Variants in TENM2 observed in about 807,000 individuals in gnomAD.
TENM2 encodes teneurin-2.
A neutral mutation model predicts 245.2 loss-of-function variants in TENM2; 52 were observed. The ratio of observed to expected loss-of-function variants is 0.21; its 90% CI spans 0.17 to 0.27. TENM2 has a LOEUF of 0.27. Among genes scored for constraint, TENM2 ranks in the 10% least tolerant of loss-of-function variants. The probability of loss-of-function intolerance (pLI) is 1.00; values close to 1 mark genes in which losing one functional copy is unlikely to be tolerated. For synonymous variants in TENM2, 1,363 were observed against 1,438.9 expected (o/e 0.95, Z 1.19); for missense variants, 3,046 against 3,666.8 (o/e 0.83, Z 4.37).
At position 167,329,436 on chromosome 5, in the gene TENM2, C is replaced by T. The variant is rs1040962001; in HGVS notation, c.226+44373C>T. Among the ~76,000 whole-genome samples, 13 of 149,754 alleles carry T rather than the reference C, an allele frequency of 8.7e-5. No homozygotes were observed. In the Admixed American group the frequency reaches 8.7e-4, roughly 10 times the overall value. ...GCGTGGTGGCAGGCACCTGTTGTTC[C>T]AGCTACCCGGGAGGCTGAGGCAGGA... On this transcript the variant is annotated intron_variant, in intron 1 of 28. Coordinates refer to ENST00000518659, the Ensembl canonical transcript of TENM2.
chr5:167,982,523 T>G (rs66943039), intron 4 of TENM2, among the ~76,000 whole-genome samples: 1 of 152,104 alleles, frequency 6.6e-6, no homozygotes. Flanking sequence ...ATTGTATTCC[T>G]GTTCTTTTTC....
chr5:167,327,548 G>T (rs1395451539), intron 1 of TENM2, among the ~76,000 whole-genome samples: 1 of 152,122 alleles, frequency 6.6e-6, no homozygotes, highest in Non-Finnish European at 1.5e-5. Flanking sequence ...ATAAATTGTT[G>T]TTTATAGAAG....
chr5:168,192,765 G>A (rs915973758), intron 14 of TENM2, among the ~76,000 whole-genome samples: 2 of 152,120 alleles, frequency 1.3e-5, no homozygotes, highest in Admixed American at 6.6e-5. Flanking sequence ...AATTCATCTT[G>A]CTAGAGACCC....
At chr5:168,249,095 G>C (rs1423342429) in intron 27 of TENM2, among the ~76,000 whole-genome samples, 3 of 148,586 alleles carry the variant, frequency 2.0e-5, no homozygotes, top group Non-Finnish European at 3.0e-5. Flanking sequence ...ACTCCACCTA[G>C]CCTAGGTGAC....
chr5:168,116,226 T>A (rs1795072360), intron 9 of TENM2, among the ~76,000 whole-genome samples: 1 of 152,108 alleles, frequency 6.6e-6, no homozygotes, highest in South Asian at 2.1e-4. Flanking sequence ...ATTTAGACAG[T>A]TCGTCTAAAT....
intron 2 of TENM2, among the ~76,000 whole-genome samples, chr5:167,682,677 C>G (rs7704222): frequency 0.42 from 64,335 of 151,740 alleles, 16,144 homozygotes; most frequent in East Asian, 0.9. Flanking sequence ...ACAGGCAGAG[C>G]TCAGGCTGTA....
At chr5:166,981,540 G>A in the TENM2 span, among the ~76,000 whole-genome samples, 127 of 152,248 alleles carry the variant, frequency 8.3e-4, no homozygotes, top group African/African-American at 2.9e-3. Context: ...CTGGGCAGCT[G>A]TATTATTTCT....
the TENM2 span, among the ~76,000 whole-genome samples, chr5:167,191,211 C>T: frequency 6.6e-6 from 1 of 152,008 alleles, no homozygotes; most frequent in Middle Eastern, 3.4e-3. Flanking sequence ...CATATATATA[C>T]ACACACACAT....
chr5:167,404,462 C>T (rs768703795), intron 2 of TENM2, among the ~76,000 whole-genome samples: 37 of 152,026 alleles, frequency 2.4e-4, no homozygotes, highest in African/African-American at 3.4e-4. Context: ...AGAGTTCATA[C>T]GAGTTAAAAG....
intron 9 of TENM2, among the ~76,000 whole-genome samples, chr5:168,116,303 A>G (rs1795079302): frequency 6.6e-6 from 1 of 152,182 alleles, no homozygotes; most frequent in Non-Finnish European, 1.5e-5. Context: ...TCATAAGCAT[A>G]AGAATTCTAC....
Position 168,254,252 on chromosome 5 carries a change from G to C in TENM2, c.7432+5881G>C, listed in dbSNP as rs78376992. 3.5e-3 allele frequency among the ~76,000 whole-genome samples: 526 copies of C among 152,322 alleles called. 3 individuals are homozygous for C. The highest frequency in any genetic ancestry group is 0.012 in the African/African-American group (493 of 41,566). On this transcript the variant is annotated intron_variant, in intron 27 of 28. Coordinates refer to ENST00000518659, the Ensembl canonical transcript of TENM2. ...GCTCCTGCCCAAGCAATTCCCTCTAGACAGACTGTTTAGGGAGGCTGTTAC... is the reference window on the plus strand; with the variant it reads ...GCTCCTGCCCAAGCAATTCCCTCTACACAGACTGTTTAGGGAGGCTGTTAC...
exon 27 of TENM2, chr5:168,246,858 C>T (rs1161022046): frequency 1.5e-5 from 25 of 1,613,908 alleles, no homozygotes; most frequent in Non-Finnish European, 2.0e-5. Context: ...CCCGGCACAG[C>T]ATGTCCACAC....
chr5:167,364,217 G>A (rs908263161), intron 1 of TENM2, among the ~76,000 whole-genome samples: 1 of 151,808 alleles, frequency 6.6e-6, no homozygotes, highest in Admixed American at 6.6e-5. Context: ...AGAAATAGAG[G>A]CACAAAATAT....
At chr5:168,061,270 T>A (rs1379786397) in intron 6 of TENM2, among the ~76,000 whole-genome samples, 2 of 152,204 alleles carry the variant, frequency 1.3e-5, no homozygotes, top group African/African-American at 4.8e-5. Context: ...TTGATTAACT[T>A]GCTTTTCTTG....
chr5:167,983,978 A>T (rs559051139), intron 4 of TENM2, among the ~76,000 whole-genome samples: 3 of 152,246 alleles, frequency 2.0e-5, no homozygotes, highest in Non-Finnish European at 2.9e-5. Flanking sequence ...AGCCATTAAT[A>T]TCTGCATTTA....
At chr5:167,203,127 A>G in the TENM2 span, among the ~76,000 whole-genome samples, 1 of 152,192 alleles carries the variant, frequency 6.6e-6, no homozygotes, top group Non-Finnish European at 1.5e-5. Flanking sequence ...TTATACTTGA[A>G]TAATCTTCCA....
chr5:167,924,997 C>A (rs748224342), intron 3 of TENM2, among the ~76,000 whole-genome samples: 1 of 152,112 alleles, frequency 6.6e-6, no homozygotes, highest in African/African-American at 2.4e-5. Context: ...TACAGTTAAA[C>A]ATATACCCAA....
the TENM2 span, among the ~76,000 whole-genome samples, chr5:167,234,159 G>A: frequency 2.6e-5 from 4 of 152,150 alleles, no homozygotes; most frequent in Non-Finnish European, 4.4e-5. Context: ...TCTAGCTCTG[G>A]CTTTGTGTAT....
intron 3 of TENM2, among the ~76,000 whole-genome samples, chr5:167,923,853 G>A (rs1411873743): frequency 1.3e-5 from 2 of 151,866 alleles, no homozygotes; most frequent in Admixed American, 6.6e-5. Context: ...TCTCTTTCCC[G>A]GCCATCACCT....
Sources: allele counts gnomAD v4.1 joint callset (sites outside exome capture counted in the v4.1 genomes callset), GRCh38; gene constraint gnomAD v4.1.1; transcripts MANE v1.5; gene names NCBI Gene and HGNC (gene_info 2026-07-23, HGNC 2026-07-21).